Variants in SAMD5 observed in about 807,000 individuals in gnomAD.
SAMD5 encodes the protein sterile alpha motif domain-containing protein 5.
A neutral mutation model predicts 11.3 loss-of-function variants in SAMD5; 13 were observed. The ratio of observed to expected loss-of-function variants is 1.15; its 90% CI spans 0.75 to 1.83. The LOEUF is 1.83. Among genes scored for constraint, SAMD5 ranks in the 40% most tolerant of loss-of-function variants. The pLI, the probability that SAMD5 is intolerant of heterozygous loss-of-function variation, is 0.00. For synonymous variants in SAMD5, 129 were observed against 111.3 expected (o/e 1.16, Z -1.00); for missense variants, 255 against 239.1 (o/e 1.07, Z -0.44).
the SAMD5 span, among the ~76,000 whole-genome samples, chr6:147,746,257 T>C: frequency 2.6e-3 from 395 of 152,232 alleles, 2 homozygotes; most frequent in Non-Finnish European, 4.3e-3. Flanking sequence ...CTTCCTCCTC[T>C]TTTGAGTGGA....
chr6:147,900,249 G>C, the SAMD5 span, among the ~76,000 whole-genome samples: 1 of 152,138 alleles, frequency 6.6e-6, no homozygotes, highest in South Asian at 2.1e-4. Context: ...GCTGTGACAC[G>C]TCGCTTCCAT....
intron 1 of SAMD5, among the ~76,000 whole-genome samples, chr6:147,559,009 C>T (rs898101699): frequency 4.6e-5 from 7 of 152,180 alleles, no homozygotes; most frequent in Non-Finnish European, 7.3e-5. Flanking sequence ...GGTGACCTAG[C>T]CCCCACTTCT....
chr6:147,685,416 C>T (rs1265116181), intron 1 of SAMD5, among the ~76,000 whole-genome samples: 1 of 152,134 alleles, frequency 6.6e-6, no homozygotes, highest in Non-Finnish European at 1.5e-5. Context: ...TCAGGTAATC[C>T]ACCCACCTCA....
chr6:147,800,962 T>A, the SAMD5 span, among the ~76,000 whole-genome samples: 1 of 152,130 alleles, frequency 6.6e-6, no homozygotes, highest in Non-Finnish European at 1.5e-5. Flanking sequence ...CATATACCTA[T>A]AACCTATTTT....
At chr6:147,839,593 T>C in the SAMD5 span, among the ~76,000 whole-genome samples, 2 of 151,996 alleles carry the variant, frequency 1.3e-5, no homozygotes, top group Non-Finnish European at 1.5e-5. Flanking sequence ...CTACTAAAAA[T>C]ACAAAAATTA....
At chr6:147,869,529 A>C in the SAMD5 span, among the ~76,000 whole-genome samples, 1 of 152,192 alleles carries the variant, frequency 6.6e-6, no homozygotes, top group South Asian at 2.1e-4. Context: ...CTTTGTGGCC[A>C]AGTCCCTTAG....
chr6:147,672,413 G>A (rs1261219636), intron 1 of SAMD5, among the ~76,000 whole-genome samples: 1 of 152,050 alleles, frequency 6.6e-6, no homozygotes, highest in Non-Finnish European at 1.5e-5. Context: ...AAGAGAAAAT[G>A]CTTCTCCATC....
At position 147,711,428 on chromosome 6, in the gene SAMD5, C is replaced by G. The variant is rs565381771; in HGVS notation, c.163-25889C>G. Among the ~76,000 whole-genome samples the G allele has an allele frequency of 3.9e-5, 6 of 152,306 alleles. No individual in the cohort carries two copies. The highest frequency in any genetic ancestry group is 1.9e-4 in the East Asian group (1 of 5,174). ...CTGGTGTATTCACCACAGTCTTGAT[C>G]AAGCCAGGCCGCTCTAATTCTCAGC... On this transcript the variant is annotated intron_variant, in intron 1 of 1. Coordinates refer to the SAMD5 transcript ENST00000566741. The surrounding 1 kb of genome is among the most constrained non-coding windows in gnomAD (Gnocchi z 4.1).
At chr6:147,593,692 A>C (rs1016212454) in intron 1 of SAMD5, among the ~76,000 whole-genome samples, 2 of 152,146 alleles carry the variant, frequency 1.3e-5, no homozygotes, top group African/African-American at 4.8e-5. Context: ...GCATGCATCA[A>C]AGTTAGACTC....
the SAMD5 span, among the ~76,000 whole-genome samples, chr6:147,792,946 C>T: frequency 3.2e-4 from 48 of 152,136 alleles, no homozygotes; most frequent in Non-Finnish European, 5.0e-4. Flanking sequence ...TAAATGGAGA[C>T]GAATAGATAC....
At chr6:147,875,771 T>C in the SAMD5 span, among the ~76,000 whole-genome samples, 1 of 152,122 alleles carries the variant, frequency 6.6e-6, no homozygotes. Context: ...GCACGTTCCT[T>C]ATGAGAATCC....
intron 1 of SAMD5, among the ~76,000 whole-genome samples, chr6:147,562,587 C>T (rs959800177): frequency 2.6e-5 from 4 of 152,328 alleles, no homozygotes; most frequent in East Asian, 1.9e-4. Context: ...CTTTGGGAGG[C>T]TGAGGCGGGT....
intron 1 of SAMD5, among the ~76,000 whole-genome samples, chr6:147,666,741 G>A (rs992855373): frequency 5.3e-5 from 8 of 152,180 alleles, no homozygotes; most frequent in Non-Finnish European, 8.8e-5. Flanking sequence ...ATCATATTAT[G>A]TGGCCCCCAT....
intron 1 of SAMD5, among the ~76,000 whole-genome samples, chr6:147,546,913 T>C (rs1024121112): frequency 2.0e-5 from 3 of 152,188 alleles, no homozygotes; most frequent in Non-Finnish European, 4.4e-5. Flanking sequence ...TGGTACACTG[T>C]AGTTTATTCT....
chr6:147,571,309 G>A (rs936344067), downstream of SAMD5, among the ~76,000 whole-genome samples: 1 of 152,152 alleles, frequency 6.6e-6, no homozygotes, highest in Non-Finnish European at 1.5e-5. Flanking sequence ...GGTTTATATC[G>A]TTAATGAAAT....
intron 1 of SAMD5, among the ~76,000 whole-genome samples, chr6:147,624,891 A>AG (rs1776455499): frequency 6.6e-6 from 1 of 151,760 alleles, no homozygotes. Flanking sequence ...TTAAAAAAAA[A>AG]ACTATTAAAA....
chr6:147,802,437 C>T, the SAMD5 span, among the ~76,000 whole-genome samples: 2 of 152,164 alleles, frequency 1.3e-5, no homozygotes, highest in Admixed American at 1.3e-4. Flanking sequence ...TGGAACAACT[C>T]GAGCTCTCAT....
chr6:147,884,961 T>A, the SAMD5 span, among the ~76,000 whole-genome samples: 1 of 152,340 alleles, frequency 6.6e-6, no homozygotes, highest in Admixed American at 6.5e-5. Flanking sequence ...TCTCAGACAG[T>A]GTAGCTTCCA....
rs114013208 is a variant in SAMD5 at position 147,653,730 on chromosome 6, C to T, written c.163-83587C>T. Reference sequence around the variant, plus strand: ...TTCCATTATTTACTGATATTCCATGCACTTCTTGGACATTTGCAAATTGCA... The same window carrying T: ...TTCCATTATTTACTGATATTCCATGTACTTCTTGGACATTTGCAAATTGCA... On this transcript the variant is annotated intron_variant, in intron 1 of 1. Transcript: ENST00000566741. Among the ~76,000 whole-genome samples the T allele has an allele frequency of 1.1e-3, 163 of 152,256 alleles. 1 individual carries two copies. The highest frequency in any genetic ancestry group is 3.8e-3 in the African/African-American group (157 of 41,538).
Sources: gnomAD v4.1 joint callset for allele counts (sites outside exome capture counted in the v4.1 genomes callset) on GRCh38, gnomAD v4.1.1 for gene constraint, Gnocchi (gnomAD v3.1) non-coding constraint, MANE v1.5 for transcripts, NCBI Gene and HGNC (gene_info 2026-07-23, HGNC 2026-07-21) for gene names.